NUDT4: variants seen among roughly 807,000 people sequenced by gnomAD.
NUDT4 encodes diphosphoinositol polyphosphate phosphohydrolase 2.
Under a neutral mutation model 23.1 loss-of-function variants are expected in NUDT4, and 5 were observed. The observed-to-expected ratio is 0.22, with a 90% CI of 0.11 to 0.46. The LOEUF is 0.46. Among genes scored for constraint, NUDT4 ranks in the 20% least tolerant of loss-of-function variants. The probability of loss-of-function intolerance (pLI) is 0.99; values close to 1 mark genes in which losing one functional copy is unlikely to be tolerated. For synonymous variants in NUDT4, 50 were observed against 79.0 expected (o/e 0.63, Z 1.95); for missense variants, 96 against 211.6 (o/e 0.45, Z 3.39).
chr12:93,385,939 TTTTA>T (rs1266583327), intron 1 of NUDT4, among the ~76,000 whole-genome samples: 552 of 55,156 alleles, frequency 0.01, 5 homozygotes, highest in African/African-American at 0.036. Context: ...TAGTAAATCT[TTTTA>T]TATATATATA....
intron 1 of NUDT4, among the ~76,000 whole-genome samples, chr12:93,393,862 ATCT>A (rs1274183974): frequency 2.6e-5 from 4 of 152,192 alleles, no homozygotes; most frequent in African/African-American, 9.7e-5. Context: ...CACATCTGTT[ATCT>A]TCTTAGTATT....
intron 2 of NUDT4, 126 bp from the exon 3 acceptor site, chr12:93,395,363 G>T (rs1045102715): frequency 2.8e-6 from 2 of 703,590 alleles, no homozygotes; most frequent in African/African-American, 3.6e-5. Context: ...CAGGAAGATA[G>T]TGAGTTGGTA....
rs1877659264 is a variant in NUDT4 at position 93,404,115 on chromosome 12, T to C, written c.*4736T>C. The C allele has an allele frequency of 6.6e-6, 1 of 152,244 alleles. No homozygotes were observed. Among genetic ancestry groups the C allele is most frequent in the African/African-American group, 2.4e-5 (1 of 41,446 alleles). 9.4% of individuals were successfully genotyped at this position (152,244 alleles called of 1,614,324 possible). On this transcript the variant is annotated 3_prime_UTR_variant, in exon 5 of 5. Transcript: ENST00000415493. ...AAATTTTCCTGCTTTTCTCAACTTT[T>C]CCTCAAATTCATGTTAGTGAAGTAC... is the stretch of plus-strand genomic sequence containing the variant.
At position 93,404,350 on chromosome 12, in the gene NUDT4, G is replaced by A. The variant is rs1877679320; in HGVS notation, c.*4971G>A. 6.6e-6 allele frequency: 1 copy of A among 152,212 alleles called. No individual in the cohort carries two copies. The highest frequency in any genetic ancestry group is 1.5e-5 in the Non-Finnish European group (1 of 68,036). The allele number at this position is 152,212 out of a possible 1,614,324, so 9.4% of individuals were successfully genotyped here. A position where few individuals can be genotyped will look rare whatever the true frequency, so the allele number is the denominator to read the frequency against. ...TATATCCATATGGTGTAATATTACA[G>A]TCATTAGAAATGACATTTGCGTAAG... On this transcript the variant is annotated 3_prime_UTR_variant, in exon 5 of 5. Coordinates refer to ENST00000415493, the MANE Select transcript of NUDT4 (RefSeq NM_019094.6).
chr12:93,389,955 A>G (rs957742233), intron 1 of NUDT4, among the ~76,000 whole-genome samples: 3 of 152,148 alleles, frequency 2.0e-5, no homozygotes, highest in Non-Finnish European at 2.9e-5. Context: ...GACACATCTT[A>G]TACTAATGGT....
chr12:93,377,963 C>A lies in NUDT4; in HGVS notation c.-360C>A. ...CTGCTGCTCAGTGGGAGCGGGTCTTCGCAACTGTCTCCGCGTGGCGCGCGC... is the reference window on the plus strand; with the variant it reads ...CTGCTGCTCAGTGGGAGCGGGTCTTAGCAACTGTCTCCGCGTGGCGCGCGC... On this transcript the variant is annotated 5_prime_UTR_variant, in exon 1 of 5. Transcript: ENST00000415493. The A allele has an allele frequency of 3.9e-6, 1 of 256,650 alleles. No individual in the cohort carries two copies. The highest frequency in any genetic ancestry group is 1.1e-4 in the East Asian group (1 of 8,870). 15.9% of individuals were successfully genotyped at this position (256,650 alleles called of 1,614,324 possible).
In NUDT4 at chr12:93,395,476, C is replaced by G; in HGVS notation, c.211-13C>G. The G allele has an allele frequency of 6.3e-7, 1 of 1,587,896 alleles. No homozygotes were observed. The highest frequency in any genetic ancestry group is 8.6e-7 in the Non-Finnish European group (1 of 1,156,750). ...AAAAGGTAAACATTTTATATTTCAT[C>G]TTTTTTTAATAGGCTGGAGTCAAAG... is the stretch of plus-strand genomic sequence containing the variant. On this transcript the variant is annotated splice_polypyrimidine_tract_variant and intron_variant, in intron 2 of 4. Coordinates refer to ENST00000415493, the MANE Select transcript of NUDT4 (RefSeq NM_019094.6).
At chr12:93,398,338 C>CAA (rs34651915) in intron 3 of NUDT4, among the ~76,000 whole-genome samples, 2,871 of 75,012 alleles carry the variant, frequency 0.038, 83 homozygotes, top group African/African-American at 0.096. Context: ...CTCCCTGTCT[C>CAA]AAAAAAAAAA....
chr12:93,392,946 G>T (rs1399076167), intron 1 of NUDT4, among the ~76,000 whole-genome samples: 1 of 137,694 alleles, frequency 7.3e-6, no homozygotes, highest in African/African-American at 2.6e-5. Context: ...CTCCCAAAGT[G>T]CTAGGATTAC....
At chr12:93,391,758 G>C (rs7964255) in intron 1 of NUDT4, among the ~76,000 whole-genome samples, 43,197 of 151,930 alleles carry the variant, frequency 0.28, 6,735 homozygotes, top group East Asian at 0.61. Context: ...TCATCTCTAT[G>C]CACACTGGGA....
In NUDT4 at chr12:93,401,954, A is replaced by T; in HGVS notation, c.*2575A>T. 7.9e-6 allele frequency: 1 copy of T among 126,312 alleles called. No homozygotes were observed. The allele number at this position is 126,312 out of a possible 1,614,324, so 7.8% of individuals were successfully genotyped here. Reference sequence around the variant, plus strand: ...TTTTTTTTTTTTGGTGGGGTAGTTGAATAAAATTGGGCAGCTAAATTTTTC... The same window carrying T: ...TTTTTTTTTTTTGGTGGGGTAGTTGTATAAAATTGGGCAGCTAAATTTTTC... On this transcript the variant is annotated 3_prime_UTR_variant, in exon 5 of 5. Transcript: ENST00000415493.
chr12:93,395,006 G>A (rs554709128), intron 2 of NUDT4, among the ~76,000 whole-genome samples: 2 of 151,962 alleles, frequency 1.3e-5, no homozygotes, highest in African/African-American at 2.4e-5. Context: ...GTGCCACCGC[G>A]TCTGGCTAAT....
At chr12:93,396,472 C>CT (rs1876941529) in intron 3 of NUDT4, among the ~76,000 whole-genome samples, 1 of 152,064 alleles carries the variant, frequency 6.6e-6, no homozygotes, top group African/African-American at 2.4e-5. Flanking sequence ...GGTCACTTTC[C>CT]TTTTTTCAGG....
At chr12:93,387,971 C>T (rs1259159593) in intron 1 of NUDT4, among the ~76,000 whole-genome samples, 1 of 152,146 alleles carries the variant, frequency 6.6e-6, no homozygotes, top group Admixed American at 6.6e-5. Flanking sequence ...CACCACCCCC[C>T]CAGATGTGGC....
intron 1 of NUDT4, among the ~76,000 whole-genome samples, chr12:93,386,036 C>T (rs1181073978): frequency 6.7e-6 from 1 of 149,226 alleles, no homozygotes. Flanking sequence ...AGTGCAGTGG[C>T]ACAATCATGG....
intron 1 of NUDT4, among the ~76,000 whole-genome samples, chr12:93,379,512 A>G (rs543424221): frequency 6.6e-6 from 1 of 152,316 alleles, no homozygotes; most frequent in South Asian, 2.1e-4. Context: ...GAATACACTC[A>G]GTGGCTTAGT....
rs766331585 is a variant in NUDT4, at chr12:93,399,275, T to A, written c.439T>A (p.Cys147Ser). The change falls in exon 5 of 5, where the codon TGT becomes AGT. Residue 147 changes from cysteine to serine, a missense_variant. Transcript: ENST00000415493. The part of the protein sequence containing the change: ...AEYLEKLKLG[C>S]SPANGNSTVP... ...GTATCTGGAAAAGCTAAAGCTGGGT[T>A]GTTCCCCAGCCAATGGAAATTCTAC... 7.9e-7 allele frequency: 1 copy of A among 1,272,086 alleles called. No homozygotes were observed. The highest frequency in any genetic ancestry group is 1.7e-5 in the Admixed American group (1 of 58,938). The allele number at this position is 1,272,086 out of a possible 1,614,324, so 78.8% of individuals were successfully genotyped here.
In NUDT4 at chr12:93,390,579, A is replaced by T. The variant is rs577886553; in HGVS notation, c.100-4030A>T. On this transcript the variant is annotated intron_variant, in intron 1 of 4. Coordinates refer to ENST00000415493, the MANE Select transcript of NUDT4 (RefSeq NM_019094.6). The stretch of plus-strand genomic sequence containing the variant: ...TTTTTCTAATTTTCTATAAAGTCTC[A>T]TCTGGGTATAATTTGATAATGTAAT... Among the ~76,000 whole-genome samples, 4 of 151,942 alleles carry T rather than the reference A, an allele frequency of 2.6e-5. No homozygotes were observed. The East Asian group carries it at 7.7e-4, about 29-fold the overall frequency.
At chr12:93,397,896 C>CT (rs1877051062) in intron 3 of NUDT4, among the ~76,000 whole-genome samples, 1 of 152,042 alleles carries the variant, frequency 6.6e-6, no homozygotes, top group South Asian at 2.1e-4. Flanking sequence ...GCTGTTTGCT[C>CT]TTACAAAGGT....
Sources: allele counts gnomAD v4.1 joint callset (sites outside exome capture counted in the v4.1 genomes callset), GRCh38; gene constraint gnomAD v4.1.1; transcripts MANE v1.5; gene names NCBI Gene and HGNC (gene_info 2026-07-23, HGNC 2026-07-21).